F8: variants seen among roughly 807,000 people sequenced by gnomAD.
F8 encodes coagulation factor VIII, also known as antihemophilic factor.
In F8, 12 loss-of-function variants were observed where a neutral mutation model predicts 140.6. The ratio of observed to expected loss-of-function variants is 0.09; its 90% CI spans 0.05 to 0.14. F8 has a LOEUF of 0.14. F8 is among the 10% of genes least tolerant of loss of function. The pLI is 1.00. For synonymous variants in F8, 585 were observed against 614.6 expected (o/e 0.95, Z 0.71); for missense variants, 1,354 against 1,720.7 (o/e 0.79, Z 3.77).
At chrX:154,960,587 C>T (rs1336422746) in intron 10 of F8, among the ~76,000 whole-genome samples, 2 of 107,032 alleles carry the variant, frequency 1.9e-5, no homozygotes, top group African/African-American at 6.9e-5. Context: ...AGAGTGAAAC[C>T]CTGTTGAGAG....
rs1424428004 is a variant in F8, at chrX:154,982,428, A to G, written c.787+2259T>C. ...GCGCCACTGCACTCCAGCCTGGGCG[A>G]CAGCAAGACTCCGTCTCAAAAAAAA... is the stretch of plus-strand genomic sequence containing the variant. On this transcript the variant is annotated intron_variant, in intron 6 of 25. Transcript: ENST00000360256. Among the ~76,000 whole-genome samples, 8 of 93,442 alleles carry G rather than the reference A, an allele frequency of 8.6e-5. No homozygotes were observed. In the Admixed American group the frequency reaches 9.5e-4, roughly 11 times the overall value. The allele number at this position is 93,442 out of a possible 115,157, so 81.1% of individuals were successfully genotyped here.
intron 6 of F8, among the ~76,000 whole-genome samples, chrX:154,972,716 T>C (rs1452729098): frequency 2.5e-5 from 2 of 81,208 alleles, no homozygotes; most frequent in Non-Finnish European, 2.4e-5. Context: ...TCTTTTTTTT[T>C]TTTTTTTTTT....
At chrX:154,895,124 T>C (rs1351218057) in intron 22 of F8, among the ~76,000 whole-genome samples, 1 of 112,263 alleles carries the variant, frequency 8.9e-6, no homozygotes, top group Non-Finnish European at 1.9e-5. Context: ...TGAACTCCTC[T>C]GCAAGGAGAA....
At chrX:154,841,833 G>T (rs782667967) in intron 25 of F8, among the ~76,000 whole-genome samples, 1 of 111,046 alleles carries the variant, frequency 9.0e-6, no homozygotes, top group African/African-American at 3.3e-5. Context: ...ATTTTGTTTG[G>T]GATTTATGTT....
intron 2 of F8, among the ~76,000 whole-genome samples, chrX:154,998,276 T>C (rs1273154933): frequency 3.5e-5 from 4 of 113,101 alleles, no homozygotes; most frequent in African/African-American, 1.3e-4. Context: ...AAATCTGCAA[T>C]ATGTAAAGGT....
rs192348608 is a variant in F8, at chrX:154,851,959, T to G, written c.6900+8473A>C. 1.7e-3 allele frequency among the ~76,000 whole-genome samples: 186 copies of G among 112,504 alleles called. 1 individual carries two copies. The highest frequency in any genetic ancestry group is 2.6e-3 in the Non-Finnish European group (138 of 53,291). ...ATAGAGTTGTTGCTTGTGATTGTGGTGTCACATCTAAGAAACCATTGCCAA... is the reference window on the plus strand; with the variant it reads ...ATAGAGTTGTTGCTTGTGATTGTGGGGTCACATCTAAGAAACCATTGCCAA... On this transcript the variant is annotated intron_variant, in intron 25 of 25. Coordinates refer to ENST00000360256, the MANE Select transcript of F8 (RefSeq NM_000132.4).
intron 14 of F8, among the ~76,000 whole-genome samples, chrX:154,920,348 T>C (rs781798658): frequency 8.1e-5 from 9 of 111,435 alleles, no homozygotes; most frequent in Non-Finnish European, 1.7e-4. Flanking sequence ...TTTTGCTCTG[T>C]GGTTACTATG....
intron 1 of F8, among the ~76,000 whole-genome samples, chrX:155,014,388 A>G (rs2073724042): frequency 8.9e-6 from 1 of 111,969 alleles, no homozygotes; most frequent in Non-Finnish European, 1.9e-5. Context: ...GGATTCTGCT[A>G]TCATCAGTTC....
rs184026153 is a variant in F8, at chrX:154,999,504, G to C, written c.240C>G (p.Ile80Met). 12 of 1,207,900 alleles carry C rather than the reference G, an allele frequency of 9.9e-6. No homozygotes were observed. In the South Asian group the frequency reaches 2.1e-4, roughly 21 times the overall value. The change falls in exon 2 of 26, where the codon ATC (isoleucine) becomes ATG (methionine). Residue 80 changes from isoleucine to methionine, a missense_variant. By Grantham distance (10) the Ile-to-Met change is conservative. Around this residue, in one of 4 missense-constraint regions of F8, gnomAD observed 128 missense variants for 230.4 expected, o/e 0.56. Coordinates refer to ENST00000360256, the MANE Select transcript of F8 (RefSeq NM_000132.4). ...FVEFTDHLFN[I>M]AKPRPPWMGL... ...CCATCCAGGGTGGCCTTGGCTTAGC[G>C]ATGTTGAAAAGGTGATCCGTGAATT... is the stretch of plus-strand genomic sequence containing the variant.
At chrX:154,924,600 A>G (rs1351974531) in intron 14 of F8, among the ~76,000 whole-genome samples, 1 of 111,848 alleles carries the variant, frequency 8.9e-6, no homozygotes, top group Non-Finnish European at 1.9e-5. Context: ...ACTAGGTGGT[A>G]CCCCAGCAGG....
intron 1 of F8, among the ~76,000 whole-genome samples, chrX:155,012,407 C>G (rs782162966): frequency 9.0e-6 from 1 of 111,326 alleles, no homozygotes; most frequent in East Asian, 2.8e-4. Flanking sequence ...AACTCTTGGG[C>G]TCAAGTGATC....
intron 15 of F8, 125 bp downstream of exon 15, chrX:154,906,295 C>G: frequency 1.7e-6 from 1 of 584,926 alleles, no homozygotes; most frequent in Non-Finnish European, 2.5e-6. Context: ...AGAACGTACA[C>G]AAAGATAATT....
At chrX:154,848,291 G>A (rs782532866) in intron 25 of F8, among the ~76,000 whole-genome samples, 1 of 112,581 alleles carries the variant, frequency 8.9e-6, no homozygotes, top group South Asian at 3.6e-4. Flanking sequence ...TGTGCTGGGA[G>A]AACCACTACT....
chrX:154,856,206 G>A (rs1557272454), intron 25 of F8, among the ~76,000 whole-genome samples: 1 of 112,726 alleles, frequency 8.9e-6, no homozygotes, highest in Non-Finnish European at 1.9e-5. Flanking sequence ...GGAGAGTTCA[G>A]AAGACACAGA....
Position 154,929,881 on chromosome X carries a change from G to C in F8, c.3909C>G (p.Thr1303=). Residue 1303 remains threonine, a synonymous_variant, in exon 14 of 26, where the codon ACC becomes ACG. Transcript: ENST00000360256. ...EENLEGLGNQ[T]KQIVEKYACT... is the part of the protein sequence containing the mutation. Reference sequence around the variant, plus strand: ...ATGCATATTTCTCTACAATTTGCTTGGTTTGATTTCCCAAGCCTTCCAAGT... The same window carrying C: ...ATGCATATTTCTCTACAATTTGCTTCGTTTGATTTCCCAAGCCTTCCAAGT... 1.7e-6 allele frequency: 2 copies of C among 1,211,129 alleles called. No individual in the cohort carries two copies. The highest frequency in any genetic ancestry group is 2.2e-6 in the Non-Finnish European group (2 of 895,015).
At chrX:154,862,766 T>C (rs1557272946) in intron 23 of F8, among the ~76,000 whole-genome samples, 1 of 112,480 alleles carries the variant, frequency 8.9e-6, no homozygotes, top group Non-Finnish European at 1.9e-5. Context: ...TGTACCACAT[T>C]TTCTTTATCC....
At chrX:155,005,901 G>T (rs2073674071) in intron 1 of F8, among the ~76,000 whole-genome samples, 1 of 111,352 alleles carries the variant, frequency 9.0e-6, no homozygotes, top group South Asian at 3.8e-4. Context: ...CTCCCTGTGG[G>T]ACTGACCTTT....
chrX:154,930,856 T>C lies in F8; in HGVS notation c.2934A>G (p.Ser978=), dbSNP rs782064144. 52 of 1,207,266 alleles carry C rather than the reference T, an allele frequency of 4.3e-5. No individual in the cohort carries two copies. Among genetic ancestry groups the C allele is most frequent in the Non-Finnish European group, 5.4e-5 (48 of 893,380 alleles). The change falls in exon 14 of 26, where the codon TCA becomes TCG. Residue 978 remains serine (S), a synonymous_variant. Transcript: ENST00000360256. ...CTGTTGACGATACATTTTTTCCCCA[T>C]GAACTTTCTTGGCTATTCATTAAAC... The part of the protein sequence containing the change: ...ESGLMNSQES[S]WGKNVSSTES...
At chrX:154,874,396 C>T (rs1557273835) in intron 22 of F8, among the ~76,000 whole-genome samples, 1 of 112,576 alleles carries the variant, frequency 8.9e-6, no homozygotes, top group East Asian at 2.8e-4. Context: ...GTATTTGGCT[C>T]ACAGTTCTGG....
Sources: gnomAD v4.1 joint callset for allele counts (sites outside exome capture counted in the v4.1 genomes callset) on GRCh38, gnomAD v4.1.1 for gene constraint, gnomAD v4.1.1 regional missense constraint, MANE v1.5 for transcripts, NCBI Gene and HGNC (gene_info 2026-07-23, HGNC 2026-07-21) for gene names.